FADS2: variants seen among roughly 807,000 people sequenced by gnomAD.
FADS2 encodes the protein fatty acid desaturase 2.
A neutral mutation model predicts 61.2 loss-of-function variants in FADS2; 18 were observed. That is an observed-to-expected ratio of 0.29 (90% CI 0.20 to 0.44). The LOEUF is 0.44. FADS2 is among the 20% of genes least tolerant of loss of function. The pLI is 1.00. For synonymous variants in FADS2, 203 were observed against 223.9 expected, an observed-to-expected ratio of 0.91 and a Z score of 0.83; for missense variants, 322 against 572.7, an observed-to-expected ratio of 0.56 and a Z score of 4.47.
intron 2 of FADS2, among the ~76,000 whole-genome samples, chr11:61,839,103 G>A (rs1018203774): frequency 4.6e-5 from 7 of 151,696 alleles, no homozygotes; most frequent in East Asian, 1.9e-4. Flanking sequence ...CTTCTTCCTC[G>A]CAATGCCATT....
intron 5 of FADS2, among the ~76,000 whole-genome samples, chr11:61,850,809 A>G (rs2067300201): frequency 6.6e-6 from 1 of 152,176 alleles, no homozygotes; most frequent in Non-Finnish European, 1.5e-5. Flanking sequence ...AGTGAGGCCA[A>G]TTTTCCCTCA....
chr11:61,825,372 C>T (rs577225162), upstream of FADS2, among the ~76,000 whole-genome samples: 5 of 152,114 alleles, frequency 3.3e-5, no homozygotes, highest in South Asian at 2.1e-4. Flanking sequence ...AATCCCAGCA[C>T]TCTGGGAGGC....
intron 7 of FADS2, among the ~76,000 whole-genome samples, chr11:61,857,848 CCT>C (rs1031201787): frequency 7.2e-5 from 11 of 152,122 alleles, no homozygotes; most frequent in African/African-American, 2.4e-4. Context: ...CCCTGTGGGC[CCT>C]GAGTCCCATG....
At chr11:61,824,059 C>A (rs1465471073), upstream of FADS2, among the ~76,000 whole-genome samples, 1 of 151,882 alleles carries the variant, frequency 6.6e-6, no homozygotes, top group Admixed American at 6.6e-5. Flanking sequence ...CTTTGAGCCT[C>A]GTTATTAAAA....
intron 5 of FADS2, among the ~76,000 whole-genome samples, chr11:61,850,972 G>A (rs1565333709): frequency 2.0e-5 from 3 of 152,184 alleles, no homozygotes; most frequent in African/African-American, 4.8e-5. Context: ...GAGCAGGAAC[G>A]TGGATTTTTC....
Position 61,845,234 on chromosome 11 carries a change from T to TCCA in FADS2, c.619-2925_619-2924insCCA, listed in dbSNP as rs1449102429. On this transcript the variant is annotated intron_variant, in intron 4 of 11. Coordinates refer to ENST00000278840, the MANE Select transcript of FADS2 (RefSeq NM_004265.4). ...ACTCTGCCTGGCCAACTTCTCCAGC[T>TCCA]GCGTGGACACTTAGCTTTCCTGGCC... Among the ~76,000 whole-genome samples the TCCA allele has an allele frequency of 1.3e-3, 193 of 151,970 alleles. 5 individuals carry two copies. The highest frequency in any genetic ancestry group is 0.011 in the Admixed American group (164 of 15,260).
At chr11:61,817,152 A>T in intron 1 of FADS2, 3 of 231,734 alleles carry the variant, frequency 1.3e-5, no homozygotes, top group African/African-American at 2.6e-5. Context: ...GCCGCGCTGC[A>T]GGAGTGAATG....
chr11:61,817,257 G>T (rs1427031845), intron 1 of FADS2: 1 of 311,462 alleles, frequency 3.2e-6, no homozygotes, highest in East Asian at 5.8e-5. Context: ...GGCGGTCGCG[G>T]ACATCATCTT....
At position 61,831,701 on chromosome 11, in the gene FADS2, T is replaced by G. The variant is rs540013356; in HGVS notation, c.207+3104T>G. On this transcript the variant is annotated intron_variant, in intron 1 of 11. Coordinates refer to ENST00000278840, the MANE Select transcript of FADS2 (RefSeq NM_004265.4). ...TCATTTCATACTCGGATCAGCCCCG[T>G]AGGCATCTCTCACTGCTCTGAGGTA... 2.1e-4 allele frequency among the ~76,000 whole-genome samples: 32 copies of G among 152,330 alleles called. No homozygotes were observed. The East Asian group carries it at 5.6e-3, about 27-fold the overall frequency.
chr11:61,825,278 C>T (rs1473868597), upstream of FADS2, among the ~76,000 whole-genome samples: 1 of 152,092 alleles, frequency 6.6e-6, no homozygotes, highest in Admixed American at 6.6e-5. Context: ...CTACCATCAC[C>T]CCTGCCCCTG....
At chr11:61,860,396 G>C (rs1185944787) in intron 7 of FADS2, among the ~76,000 whole-genome samples, 1 of 152,224 alleles carries the variant, frequency 6.6e-6, no homozygotes, top group African/African-American at 2.4e-5. Context: ...TGTTCCCGGG[G>C]CCACGTCCTG....
chr11:61,828,347 G>A lies in FADS2; in HGVS notation c.-44G>A. On this transcript the variant is annotated 5_prime_UTR_variant, in exon 1 of 12. Coordinates refer to ENST00000278840, the MANE Select transcript of FADS2 (RefSeq NM_004265.4). The surrounding 1 kb of genome is among the most constrained non-coding windows in gnomAD (Gnocchi z 6.4). ...GCCGTCTGTGCAGCGAGCAGCCGGC[G>A]CGGGGAGGCCGCAGTGCACGGGGCG... is the stretch of plus-strand genomic sequence containing the variant. 1 of 1,543,400 alleles carries A rather than the reference G, an allele frequency of 6.5e-7. No homozygotes were observed. The highest frequency in any genetic ancestry group is 2.0e-5 in the Admixed American group (1 of 50,714).
chr11:61,857,112 C>T (rs749568390), intron 6 of FADS2, 41 bp downstream of exon 6: 8 of 1,539,744 alleles, frequency 5.2e-6, no homozygotes, highest in East Asian at 4.5e-5. Flanking sequence ...GGACCCTCCC[C>T]TCCCCCCAGA....
chr11:61,848,162 G>A lies in FADS2; in HGVS notation c.622G>A (p.Ala208Thr). 6.2e-7 allele frequency: 1 copy of A among 1,614,128 alleles called. No homozygotes were observed. Among genetic ancestry groups the A allele is most frequent in the Non-Finnish European group, 8.5e-7 (1 of 1,179,996 alleles). ...CCCCACCCCTCTCTCCCCACAGGGTGCCTCTGCCAACTGGTGGAATCATCG... is the reference window on the plus strand; with the variant it reads ...CCCCACCCCTCTCTCCCCACAGGGTACCTCTGCCAACTGGTGGAATCATCG... ...HKFVIGHLKG[A>T]SANWWNHRHF... Residue 208 changes from alanine to threonine, a missense_variant, in exon 5 of 12, where the codon GCC (alanine) becomes ACC (threonine). By Grantham distance (58) the Ala-to-Thr change is moderately conservative. Around this residue, in one of 3 missense-constraint regions of FADS2, gnomAD observed 221 missense variants for 427.9 expected, o/e 0.52. Transcript: ENST00000278840.
chr11:61,824,478 G>A (rs1565325328), upstream of FADS2, among the ~76,000 whole-genome samples: 11 of 7,208 alleles, frequency 1.5e-3, no homozygotes, highest in Non-Finnish European at 2.3e-3. Context: ...GAGAGAGAGA[G>A]AGAGAGAGAG....
At chr11:61,828,063 G>A, upstream of FADS2, 1 of 1,213,072 alleles carries the variant, frequency 8.2e-7, no homozygotes, top group South Asian at 2.1e-5. The surrounding 1 kb of genome is among the most constrained non-coding windows in gnomAD (Gnocchi z 6.4). Context: ...CCGGAGGGGC[G>A]GGCAGAGGAG....
At chr11:61,852,746 T>C (rs1565334251) in intron 5 of FADS2, among the ~76,000 whole-genome samples, 1 of 152,194 alleles carries the variant, frequency 6.6e-6, no homozygotes, top group Non-Finnish European at 1.5e-5. Context: ...ATGAATGGGA[T>C]AGTTATCTTT....
intron 4 of FADS2, among the ~76,000 whole-genome samples, chr11:61,846,270 C>T (rs1471195447): frequency 6.6e-6 from 1 of 151,990 alleles, no homozygotes; most frequent in Non-Finnish European, 1.5e-5. Context: ...GTGCCCGCCA[C>T]CACGCCCAGA....
At chr11:61,859,723 A>AGTCACTCAT (rs199879963) in intron 7 of FADS2, among the ~76,000 whole-genome samples, 14,496 of 152,162 alleles carry the variant, frequency 0.095, 1,017 homozygotes, top group African/African-American at 0.19. Flanking sequence ...GCAGTCACTC[A>AGTCACTCAT]TGCTTGTTAT....
Sources: gnomAD v4.1 joint callset for allele counts (sites outside exome capture counted in the v4.1 genomes callset) on GRCh38, gnomAD v4.1.1 for gene constraint, gnomAD v4.1.1 regional missense constraint, Gnocchi (gnomAD v3.1) non-coding constraint, MANE v1.5 for transcripts, NCBI Gene and HGNC (gene_info 2026-07-23, HGNC 2026-07-21) for gene names.